Variants in CYFIP2 observed in about 807,000 individuals in gnomAD.
CYFIP2 encodes the protein cytoplasmic FMR1 interacting protein 2, also known as cytoplasmic FMR1-interacting protein 2.
In CYFIP2, 29 loss-of-function variants were observed where a neutral mutation model predicts 158.7. The ratio of observed to expected loss-of-function variants is 0.18; its 90% CI spans 0.14 to 0.25. CYFIP2 has a LOEUF of 0.25. CYFIP2 is among the 10% of genes least tolerant of loss of function. CYFIP2 has a pLI of 1.00. For missense variants in CYFIP2, 852 were observed against 1,639.5 expected (o/e 0.52, Z 8.29); for synonymous variants, 585 against 617.6 (o/e 0.95, Z 0.78).
At chr5:157,389,482 A>G in intron 29 of CYFIP2, 55 bp downstream of exon 29, 1 of 1,448,948 alleles carries the variant, frequency 6.9e-7, no homozygotes, top group Non-Finnish European at 9.2e-7. Context: ...TGCTCCTGCA[A>G]GTCATGGGGC....
chr5:157,276,526 T>C (rs1223585101), intron 1 of CYFIP2, among the ~76,000 whole-genome samples: 1 of 152,262 alleles, frequency 6.6e-6, no homozygotes, highest in African/African-American at 2.4e-5. Flanking sequence ...GGATTCAGTT[T>C]TGCTGAGGCA....
At chr5:157,300,494 C>T (rs555538018) in intron 5 of CYFIP2, among the ~76,000 whole-genome samples, 4 of 151,134 alleles carry the variant, frequency 2.6e-5, no homozygotes, top group South Asian at 4.2e-4. Context: ...GAGATCGCAC[C>T]GCTGCACTCC....
intron 10 of CYFIP2, among the ~76,000 whole-genome samples, chr5:157,310,481 A>G (rs962413806): frequency 6.6e-5 from 10 of 152,222 alleles, no homozygotes; most frequent in South Asian, 2.1e-4. Context: ...TTAAGAAGAT[A>G]TGAATGGAGT....
intron 15 of CYFIP2, chr5:157,323,122 A>T (rs1317568308): frequency 3.7e-6 from 4 of 1,074,192 alleles, no homozygotes; most frequent in Non-Finnish European, 5.4e-6. Flanking sequence ...AGATTCACAG[A>T]CAAATGATGT....
chr5:157,330,640 T>A, intron 19 of CYFIP2, 102 bp from the exon 20 acceptor site: 1 of 846,704 alleles, frequency 1.2e-6, no homozygotes, highest in Non-Finnish European at 1.9e-6. Flanking sequence ...TATAAGATAG[T>A]GCTCTGTGGG....
At chr5:157,357,587 G>A (rs1175123875) in intron 23 of CYFIP2, among the ~76,000 whole-genome samples, 2 of 152,092 alleles carry the variant, frequency 1.3e-5, no homozygotes, top group African/African-American at 4.8e-5. Context: ...CTAGCACTTC[G>A]GGAGGCTGAG....
chr5:157,270,055 G>T (rs1755955918), intron 1 of CYFIP2, among the ~76,000 whole-genome samples: 1 of 152,204 alleles, frequency 6.6e-6, no homozygotes, highest in African/African-American at 2.4e-5. Flanking sequence ...TTCTTGCAGG[G>T]ATCATTCTGG....
chr5:157,309,878 C>A, intron 10 of CYFIP2, 44 bp downstream of exon 10: 1 of 1,539,294 alleles, frequency 6.5e-7, no homozygotes, highest in Non-Finnish European at 8.8e-7. Context: ...CAAGGATGCC[C>A]AGCCCGGGCA....
Position 157,395,422 on chromosome 5 carries a change from C to A in CYFIP2, c.*2422C>A. ...TGGGAATTTTTGTACAATGAATTTACATTTATTTATGGTGACATATTTACG... is the reference window on the plus strand; with the variant it reads ...TGGGAATTTTTGTACAATGAATTTAAATTTATTTATGGTGACATATTTACG... On this transcript the variant is annotated 3_prime_UTR_variant, in exon 31 of 31. Coordinates refer to ENST00000620254, the MANE Select transcript of CYFIP2 (RefSeq NM_001037333.3). 2.7e-6 allele frequency: 1 copy of A among 374,532 alleles called. No individual in the cohort carries two copies. Among genetic ancestry groups the A allele is most frequent in the Non-Finnish European group, 5.1e-6 (1 of 195,326 alleles). The allele number at this position is 374,532 out of a possible 1,614,324, so 23.2% of individuals were successfully genotyped here. A position where few individuals can be genotyped will look rare whatever the true frequency, so the allele number is the denominator to read the frequency against.
intron 29 of CYFIP2, among the ~76,000 whole-genome samples, chr5:157,390,115 C>T (rs1049730745): frequency 6.6e-6 from 1 of 152,184 alleles, no homozygotes; most frequent in Non-Finnish European, 1.5e-5. Context: ...CAGTTGGCCT[C>T]CTGGTTTGAA....
chr5:157,338,042 T>A (rs762239002), intron 21 of CYFIP2, among the ~76,000 whole-genome samples: 3 of 152,040 alleles, frequency 2.0e-5, no homozygotes, highest in Non-Finnish European at 4.4e-5. Flanking sequence ...AGCACAGGAG[T>A]GGCCTAAGGT....
intron 4 of CYFIP2, among the ~76,000 whole-genome samples, chr5:157,295,736 T>C (rs1328012535): frequency 1.3e-5 from 2 of 152,262 alleles, no homozygotes; most frequent in Non-Finnish European, 2.9e-5. Context: ...CACTTAATTG[T>C]TGACTGGTGG....
intron 19 of CYFIP2, among the ~76,000 whole-genome samples, chr5:157,329,262 T>C (rs1761261994): frequency 6.6e-6 from 1 of 152,222 alleles, no homozygotes; most frequent in Non-Finnish European, 1.5e-5. Context: ...ATCTGTGGAT[T>C]GAATGGGATG....
At position 157,311,621 on chromosome 5, in the gene CYFIP2, C is replaced by T; in HGVS notation, c.993-43C>T. On this transcript the variant is annotated intron_variant, in intron 10 of 30. Transcript: ENST00000620254. The surrounding 1 kb of genome is among the most constrained non-coding windows in gnomAD (Gnocchi z 4.7). Reference sequence around the variant, plus strand: ...AGCTAATGCCTGTTCCACCCAGGCGCCTGAGGCTGGGACCCTCTCCGACCC... The same window carrying T: ...AGCTAATGCCTGTTCCACCCAGGCGTCTGAGGCTGGGACCCTCTCCGACCC... 2 of 1,544,014 alleles carry T rather than the reference C, an allele frequency of 1.3e-6. No individual in the cohort carries two copies. The highest frequency in any genetic ancestry group is 1.8e-6 in the Non-Finnish European group (2 of 1,139,296).
rs1378758729 is a variant in CYFIP2, at chr5:157,389,314, A to G, written c.3333A>G (p.Pro1111=). ...TGCAGGACCCCATCTGGCGGGGCCC[A>G]CCGCCCACCAATGGCGTCATGCACG... The part of the protein sequence containing the change: ...SYLQDPIWRG[P]PPTNGVMHVD... The change falls in exon 29 of 31, where the codon CCA becomes CCG. Residue 1111 remains proline, a synonymous_variant. Coordinates refer to ENST00000620254, the MANE Select transcript of CYFIP2 (RefSeq NM_001037333.3). 1.2e-6 allele frequency: 2 copies of G among 1,614,008 alleles called. No homozygotes were observed. Among genetic ancestry groups the G allele is most frequent in the Middle Eastern group, 1.6e-4 (1 of 6,062 alleles).
At chr5:157,295,054 G>A (rs1758141976) in intron 4 of CYFIP2, among the ~76,000 whole-genome samples, 194 bp downstream of exon 4, 3 of 152,164 alleles carry the variant, frequency 2.0e-5, no homozygotes, top group Non-Finnish European at 2.9e-5. Flanking sequence ...CATGTCGAGG[G>A]ACTTAAAACA....
chr5:157,330,967 G>T lies in CYFIP2; in HGVS notation c.2265+117G>T. On this transcript the variant is annotated intron_variant, in intron 20 of 30. Coordinates refer to ENST00000620254, the MANE Select transcript of CYFIP2 (RefSeq NM_001037333.3). ...TGTCTGCCCGGCATGTTGCCAGTGT[G>T]GATTTCCGAGCCTGGGTGTAGCACA... 4 of 744,892 alleles carry T rather than the reference G, an allele frequency of 5.4e-6. No homozygotes were observed. In the South Asian group the frequency reaches 6.9e-5, roughly 13 times the overall value. The allele number at this position is 744,892 out of a possible 1,614,324, so 46.1% of individuals were successfully genotyped here.
intron 15 of CYFIP2, 110 bp from the exon 16 acceptor site, chr5:157,323,811 G>A (rs758643787): frequency 2.1e-4 from 268 of 1,259,028 alleles, no homozygotes; most frequent in Non-Finnish European, 2.5e-4. Flanking sequence ...TGCTTTTTAA[G>A]AGCAGACATC....
rs1451560820 is a variant in CYFIP2 at position 157,285,418 on chromosome 5, G to A, written c.57G>A (p.Glu19=). 11 of 1,582,014 alleles carry A rather than the reference G, an allele frequency of 7.0e-6. No individual in the cohort carries two copies. Among genetic ancestry groups the A allele is most frequent in the Admixed American group, 1.8e-5 (1 of 55,116 alleles). Residue 19 remains glutamate (E), a synonymous_variant, in exon 2 of 31, where the codon GAG becomes GAA. Coordinates refer to ENST00000620254, the MANE Select transcript of CYFIP2 (RefSeq NM_001037333.3). ...DALSNVDLLE[E]LPLPDQQPCI... ...TGTCCAACGTGGACCTGCTTGAAGA[G>A]CTTCCCCTCCCCGACCAGCAGCCAT...
Sources: allele counts gnomAD v4.1 joint callset (sites outside exome capture counted in the v4.1 genomes callset), GRCh38; gene constraint gnomAD v4.1.1; non-coding constraint Gnocchi (gnomAD v3.1); transcripts MANE v1.5; gene names NCBI Gene and HGNC (gene_info 2026-07-23, HGNC 2026-07-21).